Variants in SSBP3 observed in about 807,000 individuals in gnomAD.
The protein encoded by SSBP3 is single stranded DNA binding protein 3.
A neutral mutation model predicts 69.6 loss-of-function variants in SSBP3; 5 were observed. The ratio of observed to expected loss-of-function variants is 0.07; its 90% CI spans 0.04 to 0.15. SSBP3 has a LOEUF of 0.15. Among genes scored for constraint, SSBP3 ranks in the 10% least tolerant of loss-of-function variants. The pLI is 1.00. For synonymous variants in SSBP3, 196 were observed against 193.4 expected (o/e 1.01, Z -0.11); for missense variants, 312 against 534.0 (o/e 0.58, Z 4.10).
intron 9 of SSBP3, among the ~76,000 whole-genome samples, chr1:54,250,304 C>T (rs1489530015): frequency 6.6e-6 from 1 of 152,206 alleles, no homozygotes; most frequent in Non-Finnish European, 1.5e-5. Context: ...ACAAGGACCT[C>T]CCTAAAATCT....
intron 4 of SSBP3, among the ~76,000 whole-genome samples, chr1:54,359,563 T>G (rs1047069389): frequency 6.6e-6 from 1 of 152,178 alleles, no homozygotes; most frequent in African/African-American, 2.4e-5. Flanking sequence ...GAGAGCTTTT[T>G]ATAAACATAA....
chr1:54,286,461 C>G (rs1373872827), intron 4 of SSBP3: 1 of 152,238 alleles, frequency 6.6e-6, no homozygotes, highest in Non-Finnish European at 1.5e-5. Context: ...CCGTTCACAG[C>G]CAGGGAGACT....
chr1:54,328,152 G>A (rs1290064245), intron 4 of SSBP3, among the ~76,000 whole-genome samples: 1 of 152,072 alleles, frequency 6.6e-6, no homozygotes, highest in African/African-American at 2.4e-5. Flanking sequence ...CATGCAGGGC[G>A]GCACTCCTCA....
chr1:54,387,180 GGGGATTCCTCCCT>G (rs1648149650), intron 4 of SSBP3, among the ~76,000 whole-genome samples: 1 of 152,186 alleles, frequency 6.6e-6, no homozygotes, highest in African/African-American at 2.4e-5. Context: ...TTCCTTCGCA[GGGGATTCCTCCCT>G]GGATCGTTTA....
At chr1:54,388,880 G>A (rs1268722988) in intron 4 of SSBP3, among the ~76,000 whole-genome samples, 1 of 152,190 alleles carries the variant, frequency 6.6e-6, no homozygotes, top group Non-Finnish European at 1.5e-5. Context: ...CAGTCCTGGG[G>A]GAAACACGAG....
intron 14 of SSBP3, among the ~76,000 whole-genome samples, chr1:54,235,448 A>ATTTTTTTTTTTTTTTTTTTTTTTTT (rs71580002): frequency 4.3e-5 from 3 of 69,922 alleles, no homozygotes; most frequent in African/African-American, 6.6e-5. Flanking sequence ...TGCCCGGCTG[A>ATTTTTTTTTTTTTTTTTTTTTTTTT]TTTTTTTTTT....
intron 5 of SSBP3, among the ~76,000 whole-genome samples, chr1:54,259,413 T>A (rs1311764871): frequency 1.3e-5 from 2 of 152,212 alleles, no homozygotes; most frequent in Non-Finnish European, 2.9e-5. Context: ...TCTCCTACCA[T>A]GGGTCACAGT....
chr1:54,406,736 G>A (rs1649805866), upstream of SSBP3, among the ~76,000 whole-genome samples: 1 of 151,990 alleles, frequency 6.6e-6, no homozygotes, highest in African/African-American at 2.4e-5. Context: ...GGACCACTGG[G>A]GGGCTAGGGG....
intron 4 of SSBP3, among the ~76,000 whole-genome samples, chr1:54,400,600 C>T (rs1264738593): frequency 1.3e-5 from 2 of 152,216 alleles, no homozygotes; most frequent in Non-Finnish European, 2.9e-5. Flanking sequence ...TCTTTTTCAG[C>T]CCTGAAGAGG....
intron 5 of SSBP3, among the ~76,000 whole-genome samples, chr1:54,265,746 C>G (rs575995739): frequency 1.3e-5 from 2 of 152,344 alleles, no homozygotes; most frequent in African/African-American, 4.8e-5. Flanking sequence ...ATCCTTACAG[C>G]CACCAAGGTC....
At chr1:54,262,894 C>A (rs1383925876) in intron 5 of SSBP3, among the ~76,000 whole-genome samples, 1 of 152,238 alleles carries the variant, frequency 6.6e-6, no homozygotes, top group East Asian at 1.9e-4. Flanking sequence ...AGGAAACACG[C>A]CCACTTCCTG....
intron 4 of SSBP3, among the ~76,000 whole-genome samples, chr1:54,367,379 G>GA (rs1473491987): frequency 6.6e-6 from 1 of 152,176 alleles, no homozygotes; most frequent in Non-Finnish European, 1.5e-5. Flanking sequence ...TGTCTCTGTA[G>GA]TCCAATCTGT....
At chr1:54,297,132 C>T (rs1445794337) in intron 4 of SSBP3, among the ~76,000 whole-genome samples, 2 of 152,206 alleles carry the variant, frequency 1.3e-5, no homozygotes, top group Non-Finnish European at 2.9e-5. Context: ...TACCACCCAC[C>T]ACCACCTCCA....
intron 14 of SSBP3, among the ~76,000 whole-genome samples, chr1:54,234,188 T>C (rs1382514476): frequency 6.6e-6 from 1 of 151,074 alleles, no homozygotes. Flanking sequence ...TAATCTCAAG[T>C]AATCAGGGAC....
At chr1:54,233,911 G>A (rs1174858451) in intron 14 of SSBP3, among the ~76,000 whole-genome samples, 1 of 152,240 alleles carries the variant, frequency 6.6e-6, no homozygotes, top group Non-Finnish European at 1.5e-5. Context: ...ATAGAAAGGC[G>A]GGAAAGGTGG....
intron 14 of SSBP3, among the ~76,000 whole-genome samples, chr1:54,234,257 A>G (rs1391376635): frequency 1.3e-5 from 2 of 148,992 alleles, no homozygotes; most frequent in African/African-American, 4.9e-5. Context: ...ACCTTTGTTC[A>G]CTTGTTTATC....
chr1:54,239,158 G>C (rs760460209), exon 14 of SSBP3: 4 of 1,614,118 alleles, frequency 2.5e-6, no homozygotes, highest in African/African-American at 2.7e-5. Context: ...GGCGGCACTG[G>C]ATTAATCATT....
intron 14 of SSBP3, chr1:54,238,422 G>C (rs1315440506): frequency 2.4e-6 from 1 of 424,740 alleles, no homozygotes; most frequent in African/African-American, 2.1e-5. Context: ...CATGGAGGAG[G>C]AAGGGAAGGA....
At chr1:54,316,701 TAAATAAATA>T (rs1435619036) in intron 4 of SSBP3, among the ~76,000 whole-genome samples, 1,244 of 111,834 alleles carry the variant, frequency 0.011, 15 homozygotes, top group Middle Eastern at 0.021. Context: ...AATAAATAAA[TAAATAAATA>T]AAATAAAATA....
Sources: gnomAD v4.1 joint callset for allele counts (sites outside exome capture counted in the v4.1 genomes callset) on GRCh38, gnomAD v4.1.1 for gene constraint, MANE v1.5 for transcripts, NCBI Gene and HGNC (gene_info 2026-07-23, HGNC 2026-07-21) for gene names.